The following GRID2IP variants were observed in gnomAD, a reference collection of about 807,000 sequenced individuals.
GRID2IP encodes the protein delphilin.
In GRID2IP, 78 loss-of-function variants were observed where a neutral mutation model predicts 114.3. The observed-to-expected ratio is 0.68, with a 90% CI of 0.57 to 0.82. GRID2IP has a LOEUF of 0.82. Among genes scored for constraint, GRID2IP ranks in the 40% least tolerant of loss-of-function variants. GRID2IP has a pLI of 0.00. For synonymous variants in GRID2IP, 809 were observed against 724.0 expected, an observed-to-expected ratio of 1.12 and a Z score of -1.89; for missense variants, 1,727 against 1,678.5, an observed-to-expected ratio of 1.03 and a Z score of -0.51.
At chr7:6,503,224 CA>C in intron 16 of GRID2IP, 61 bp from the exon 17 acceptor site, 1 of 1,289,668 alleles carries the variant, frequency 7.8e-7, no homozygotes, top group Non-Finnish European at 1.0e-6. Context: ...TGCCCCACCG[CA>C]GGCTTTGGGG....
At chr7:6,530,436 T>A (rs1779595971) in intron 2 of GRID2IP, among the ~76,000 whole-genome samples, 1 of 151,812 alleles carries the variant, frequency 6.6e-6, no homozygotes, top group South Asian at 2.1e-4. Flanking sequence ...GCTGGCTTTT[T>A]AAATTTTTAG....
chr7:6,502,804 C>T lies in GRID2IP; in HGVS notation c.3132G>A (p.Lys1044=). Residue 1044 remains lysine (K), a synonymous_variant, in exon 18 of 22, where the codon AAG becomes AAA. Coordinates refer to ENST00000457091, the MANE Select transcript of GRID2IP (RefSeq NM_001145118.2). The stretch of plus-strand genomic sequence containing the variant: ...CCCTCACCTCTGTCAGAAAGTTGAT[C>T]TTGAAGCCCGTAGTCTTGTTGGTTT... ...QPKTNKTTGF[K]INFLTELNST... is the part of the protein sequence containing the mutation. 2 of 1,551,846 alleles carry T rather than the reference C, an allele frequency of 1.3e-6. No homozygotes were observed. The highest frequency in any genetic ancestry group is 1.7e-6 in the Non-Finnish European group (2 of 1,146,950).
chr7:6,544,141 T>TA (rs369408205), intron 1 of GRID2IP, among the ~76,000 whole-genome samples: 99 of 152,240 alleles, frequency 6.5e-4, no homozygotes, highest in African/African-American at 2.3e-3. Flanking sequence ...TCCACTTGCT[T>TA]ACTGTCTCTT....
In GRID2IP at chr7:6,507,230, G is replaced by A. The variant is rs1786620035; in HGVS notation, c.2544+755C>T. ...AGGAGCCCCTGCCATATTAAAAGGAGTATGATGTCCCAGTCAAAGGAGCTG... is the reference window on the plus strand; with the variant it reads ...AGGAGCCCCTGCCATATTAAAAGGAATATGATGTCCCAGTCAAAGGAGCTG... On this transcript the variant is annotated intron_variant, in intron 13 of 21. Transcript: ENST00000457091. This position sits in a 1 kb window ranked among gnomAD's most constrained non-coding sequence, Gnocchi z 5.3. 6.6e-6 allele frequency among the ~76,000 whole-genome samples: 1 copy of A among 152,232 alleles called. No homozygotes were observed. The highest frequency in any genetic ancestry group is 2.4e-5 in the African/African-American group (1 of 41,466).
Position 6,526,460 on chromosome 7 carries a change from C to T in GRID2IP, c.833+61G>A. The T allele has an allele frequency of 6.8e-7, 1 of 1,465,186 alleles. No individual in the cohort carries two copies. Among genetic ancestry groups the T allele is most frequent in the Non-Finnish European group, 9.0e-7 (1 of 1,107,738 alleles). 90.8% of individuals were successfully genotyped at this position (1,465,186 alleles called of 1,614,324 possible). ...CCGCCCCTACGCCCTCTCCCCGGGT[C>T]TCGGTCCCGAGCCCACCCGCAGGGA... On this transcript the variant is annotated intron_variant, in intron 3 of 21. Transcript: ENST00000457091. This position sits in a 1 kb window ranked among gnomAD's most constrained non-coding sequence, Gnocchi z 7.6.
Position 6,551,012 on chromosome 7 carries a change from C to T in GRID2IP, c.425G>A (p.Arg142His), listed in dbSNP as rs1403864528. Residue 142 changes from arginine (R) to histidine (H), a missense_variant, in exon 1 of 22, where the codon CGC (arginine) becomes CAC (histidine). Transcript: ENST00000457091. ...CCTCCCACCCCCGCGCCTTACCTTG[C>T]GGCTGAACTCTTGGGCCTTGCGCCT... The part of the protein sequence containing the change: ...ERRRKAQEFS[R>H]KVDEILGDQP... 6 of 1,097,220 alleles carry T rather than the reference C, an allele frequency of 5.5e-6. No homozygotes were observed. The highest frequency in any genetic ancestry group is 1.7e-5 in the African/African-American group (1 of 60,254). The allele number at this position is 1,097,220 out of a possible 1,614,324, so 68.0% of individuals were successfully genotyped here. A position where few individuals can be genotyped will look rare whatever the true frequency, so the allele number is the denominator to read the frequency against.
intron 20 of GRID2IP, among the ~76,000 whole-genome samples, chr7:6,501,212 G>A (rs1786405352): frequency 6.6e-6 from 1 of 152,132 alleles, no homozygotes; most frequent in East Asian, 1.9e-4. Flanking sequence ...TAAGCCAGGT[G>A]TGGTGGTGGG....
chr7:6,517,462 G>A (rs561669177), intron 7 of GRID2IP, among the ~76,000 whole-genome samples: 44 of 152,238 alleles, frequency 2.9e-4, no homozygotes, highest in African/African-American at 1.0e-3. Flanking sequence ...CCAAAAATGT[G>A]GTGAGTTTGA....
In GRID2IP at chr7:6,519,876, C is replaced by G. The variant is rs986895632; in HGVS notation, c.1268+702G>C. ...GGACCGAGGAGTGTGATAAATGCAG[C>G]TGGCTGCAGCTGAGGTCCAAAAAGA... is the stretch of plus-strand genomic sequence containing the variant. On this transcript the variant is annotated intron_variant, in intron 7 of 21. Coordinates refer to ENST00000457091, the MANE Select transcript of GRID2IP (RefSeq NM_001145118.2). This position sits in a 1 kb window ranked among gnomAD's most constrained non-coding sequence, Gnocchi z 4.1. Among the ~76,000 whole-genome samples, 1 of 152,196 alleles carries G rather than the reference C, an allele frequency of 6.6e-6. No individual in the cohort carries two copies. Among genetic ancestry groups the G allele is most frequent in the African/African-American group, 2.4e-5 (1 of 41,450 alleles).
At position 6,508,933 on chromosome 7, in the gene GRID2IP, C is replaced by T; in HGVS notation, c.2127+25G>A. The T allele has an allele frequency of 3.9e-6, 6 of 1,537,192 alleles. No individual in the cohort carries two copies. The highest frequency in any genetic ancestry group is 1.2e-5 in the South Asian group (1 of 83,096). The stretch of plus-strand genomic sequence containing the variant: ...CGCCACACCTCGCCTCACCCGCCTC[C>T]CTCCACACCTGCTTGCGTGCCCACC... On this transcript the variant is annotated intron_variant, in intron 12 of 21. Coordinates refer to ENST00000457091, the MANE Select transcript of GRID2IP (RefSeq NM_001145118.2). This position sits in a 1 kb window ranked among gnomAD's most constrained non-coding sequence, Gnocchi z 5.6.
At position 6,551,108 on chromosome 7, in the gene GRID2IP, C is replaced by A; in HGVS notation, c.329G>T (p.Gly110Val). The change falls in exon 1 of 22, where the codon GGC becomes GTC. Residue 110 changes from glycine (G) to valine (V), a missense_variant. By Grantham distance (109) the Gly-to-Val change is moderately radical. Transcript: ENST00000457091. ...AAGCAGCTCACGGCCCAGAGCTAGG[C>A]CGCGGCCGCACCGCGGGGCCCGCAA... ...TVLRAPRCGR[G>V]LALGRELLRL... is the part of the protein sequence containing the mutation. The A allele has an allele frequency of 7.7e-7, 1 of 1,300,380 alleles. No individual in the cohort carries two copies. Among genetic ancestry groups the A allele is most frequent in the Non-Finnish European group, 9.7e-7 (1 of 1,028,572 alleles). The allele number at this position is 1,300,380 out of a possible 1,614,324, so 80.6% of individuals were successfully genotyped here.
Position 6,521,460 on chromosome 7 carries a change from C to G in GRID2IP, c.1053G>C (p.Val351=). Residue 351 remains valine (V), a synonymous_variant, in exon 6 of 22, where the codon GTG becomes GTC. Coordinates refer to ENST00000457091, the MANE Select transcript of GRID2IP (RefSeq NM_001145118.2). The surrounding 1 kb of genome is among the most constrained non-coding windows in gnomAD (Gnocchi z 4.1). ...CAAATGGGACGAGCCCTTCCTCCACCACCAGCGTGGGCATGGCACCACTGC... is the reference window on the plus strand; with the variant it reads ...CAAATGGGACGAGCCCTTCCTCCACGACCAGCGTGGGCATGGCACCACTGC... The part of the protein sequence containing the change: ...LQGSGAMPTL[V]VEEGLVPFAS... The G allele has an allele frequency of 6.5e-7, 1 of 1,549,206 alleles. No homozygotes were observed. Among genetic ancestry groups the G allele is most frequent in the South Asian group, 1.2e-5 (1 of 83,672 alleles).
At chr7:6,504,945 C>T (rs1786533394) in intron 14 of GRID2IP, 75 bp from the exon 15 acceptor site, 1 of 1,194,252 alleles carries the variant, frequency 8.4e-7, no homozygotes, top group Non-Finnish European at 1.2e-6. Context: ...GTGGCGTGGT[C>T]ACAGCCAACA....
chr7:6,503,357 G>T, intron 16 of GRID2IP, 134 bp downstream of exon 16: 1 of 1,028,158 alleles, frequency 9.7e-7, no homozygotes, highest in Non-Finnish European at 1.4e-6. Context: ...GCCATTAAAG[G>T]TGTTAAACTG....
At chr7:6,510,488 G>A in intron 10 of GRID2IP, 88 bp from the exon 11 acceptor site, 7 of 1,312,578 alleles carry the variant, frequency 5.3e-6, no homozygotes, top group Non-Finnish European at 7.2e-6. Context: ...GGGAGGCAGG[G>A]ATATGCCCCA....
Position 6,508,450 on chromosome 7 carries a change from G to C in GRID2IP, c.2128-49C>G, listed in dbSNP as rs1379294602. ...GGGAGGGTGAGGCTGGGCCCAGAGA[G>C]ACTAGAGCAGGTGCAAAGTGAAGGA... On this transcript the variant is annotated intron_variant, in intron 12 of 21. Transcript: ENST00000457091. The surrounding 1 kb of genome is among the most constrained non-coding windows in gnomAD (Gnocchi z 5.6). 18 of 1,548,482 alleles carry C rather than the reference G, an allele frequency of 1.2e-5. No individual in the cohort carries two copies. Among genetic ancestry groups the C allele is most frequent in the Admixed American group, 3.9e-5 (2 of 50,822 alleles).
chr7:6,547,088 T>C (rs1467321470), intron 1 of GRID2IP, among the ~76,000 whole-genome samples: 1 of 152,188 alleles, frequency 6.6e-6, no homozygotes, highest in Non-Finnish European at 1.5e-5. Flanking sequence ...TTCCAAGCTC[T>C]CTTCCTCTTC....
Position 6,497,862 on chromosome 7 carries a change from C to CAGAG in GRID2IP, c.3565-21_3565-18dup. The CAGAG allele has an allele frequency of 6.5e-7, 1 of 1,547,454 alleles. No individual in the cohort carries two copies. Among genetic ancestry groups the CAGAG allele is most frequent in the Non-Finnish European group, 8.7e-7 (1 of 1,144,784 alleles). On this transcript the variant is annotated splice_polypyrimidine_tract_variant and intron_variant, in intron 21 of 21. Coordinates refer to ENST00000457091, the MANE Select transcript of GRID2IP (RefSeq NM_001145118.2). ...CAGCGCTCGCTGGGGAGGGGGAACA[C>CAGAG]AGAGGTAGGGTGGTCAGTGGTCCCA...
chr7:6,548,118 C>T (rs1056852097), intron 1 of GRID2IP, among the ~76,000 whole-genome samples: 2 of 152,092 alleles, frequency 1.3e-5, no homozygotes, highest in African/African-American at 4.8e-5. Context: ...TTTGGAAGGC[C>T]GAGGTAGGCA....
Sources: allele counts gnomAD v4.1 joint callset (sites outside exome capture counted in the v4.1 genomes callset), GRCh38; gene constraint gnomAD v4.1.1; non-coding constraint Gnocchi (gnomAD v3.1); transcripts MANE v1.5; gene names NCBI Gene and HGNC (gene_info 2026-07-23, HGNC 2026-07-21).